DYNC1H1: variants seen among roughly 807,000 people sequenced by gnomAD.
DYNC1H1 encodes the protein cytoplasmic dynein 1 heavy chain 1.
A neutral mutation model predicts 527.1 loss-of-function variants in DYNC1H1; 51 were observed. The observed-to-expected ratio is 0.10, with a 90% CI of 0.08 to 0.12. The LOEUF (loss-of-function observed/expected upper bound fraction) is 0.12. DYNC1H1 is among the 10% of genes least tolerant of loss of function. DYNC1H1 has a pLI of 1.00. For missense variants in DYNC1H1, 2,771 were observed against 5,971.8 expected (o/e 0.46, Z 17.66); for synonymous variants, 2,189 against 2,278.8 (o/e 0.96, Z 1.12).
intron 23 of DYNC1H1, among the ~76,000 whole-genome samples, chr14:102,003,212 A>G (rs976017597): frequency 2.0e-5 from 3 of 150,184 alleles, no homozygotes; most frequent in Non-Finnish European, 3.0e-5. Context: ...ACTATCATCT[A>G]CCCTCCAAGG....
chr14:101,980,413 T>C lies in DYNC1H1; in HGVS notation c.824T>C (p.Ile275Thr). Reference sequence around the variant, plus strand: ...GCATCAGGAACTGCCTTACAGGAAATTAGTTTTTGGCTAAACTTGGAACGT... The same window carrying C: ...GCATCAGGAACTGCCTTACAGGAAACTAGTTTTTGGCTAAACTTGGAACGT... ...DPASGTALQE[I>T]SFWLNLERAL... is the part of the protein sequence containing the mutation. Residue 275 changes from isoleucine to threonine, a missense_variant, in exon 5 of 78, where the codon ATT (isoleucine) becomes ACT (threonine). By Grantham distance (89) the Ile-to-Thr change is moderately conservative. This residue lies in a region of DYNC1H1 where 146 missense variants were observed against 288.1 expected (regional missense o/e 0.51). Coordinates refer to ENST00000360184, the MANE Select transcript of DYNC1H1 (RefSeq NM_001376.5). 1 of 1,614,254 alleles carries C rather than the reference T, an allele frequency of 6.2e-7. No homozygotes were observed. The highest frequency in any genetic ancestry group is 1.1e-5 in the South Asian group (1 of 91,084).
Position 102,036,756 on chromosome 14 carries a change from G to C in DYNC1H1, c.10908+114G>C. The C allele has an allele frequency of 6.0e-6, 8 of 1,341,672 alleles. No individual in the cohort carries two copies. Among genetic ancestry groups the C allele is most frequent in the Non-Finnish European group, 8.5e-6 (8 of 938,512 alleles). 83.1% of individuals were successfully genotyped at this position (1,341,672 alleles called of 1,614,324 possible). A position where few individuals can be genotyped will look rare whatever the true frequency, so the allele number is the denominator to read the frequency against. ...CTTCATTTTGTATCAGAAGGATAAAGCTTTGCGGTGGTTCTGTAATAGATA... is the reference window on the plus strand; with the variant it reads ...CTTCATTTTGTATCAGAAGGATAAACCTTTGCGGTGGTTCTGTAATAGATA... On this transcript the variant is annotated intron_variant, in intron 57 of 77. Transcript: ENST00000360184. The surrounding 1 kb of genome is among the most constrained non-coding windows in gnomAD (Gnocchi z 5.6).
At chr14:101,971,381 G>C (rs185217559) in intron 1 of DYNC1H1, among the ~76,000 whole-genome samples, 1 of 151,616 alleles carries the variant, frequency 6.6e-6, no homozygotes, top group Non-Finnish European at 1.5e-5. Flanking sequence ...GTCGAGGGTG[G>C]TATAGTTTTT....
Position 101,982,911 on chromosome 14 carries a change from C to G in DYNC1H1, c.962-108C>G, listed in dbSNP as rs1046745839. ...TTTCAAATATGAATAGTTTTTGTCT[C>G]GCTAGATATTTTGCAACATCAAAAT... On this transcript the variant is annotated intron_variant, in intron 5 of 77. Coordinates refer to ENST00000360184, the MANE Select transcript of DYNC1H1 (RefSeq NM_001376.5). 58 of 1,311,092 alleles carry G rather than the reference C, an allele frequency of 4.4e-5. No homozygotes were observed. The Middle Eastern group carries it at 6.1e-4, about 14-fold the overall frequency. The allele number at this position is 1,311,092 out of a possible 1,614,324, so 81.2% of individuals were successfully genotyped here.
intron 2 of DYNC1H1, among the ~76,000 whole-genome samples, chr14:101,977,380 G>T (rs569544665): frequency 1.3e-5 from 2 of 152,272 alleles, no homozygotes; most frequent in African/African-American, 4.8e-5. Context: ...GATATCAGTT[G>T]TTAATGTTTG....
rs1190609 is a variant in DYNC1H1 at position 102,051,632 on chromosome 14, A to G, written c.*1069A>G. The G allele has an allele frequency of 0.37, 56,139 of 152,148 alleles. 13,874 individuals are homozygous for G. The highest frequency in any genetic ancestry group is 0.71 in the African/African-American group (29,599 of 41,492). 9.4% of individuals were successfully genotyped at this position (152,148 alleles called of 1,614,324 possible). On this transcript the variant is annotated 3_prime_UTR_variant, in exon 78 of 78. Coordinates refer to ENST00000360184, the MANE Select transcript of DYNC1H1 (RefSeq NM_001376.5). ...CTGACTGTTTGCATCTCACGTTCACATTGCTAGAGGTGATGGGTGTGCTAC... is the reference window on the plus strand; with the variant it reads ...CTGACTGTTTGCATCTCACGTTCACGTTGCTAGAGGTGATGGGTGTGCTAC...
At chr14:101,993,026 C>T (rs963306576) in intron 11 of DYNC1H1, among the ~76,000 whole-genome samples, 4 of 151,850 alleles carry the variant, frequency 2.6e-5, no homozygotes, top group African/African-American at 9.7e-5. Context: ...TTTCTCCCTA[C>T]TCCAGGCTTG....
chr14:102,031,681 G>A (rs1013566085), intron 51 of DYNC1H1, among the ~76,000 whole-genome samples: 3 of 151,980 alleles, frequency 2.0e-5, no homozygotes, highest in African/African-American at 4.8e-5. Flanking sequence ...TTGGCCAGGC[G>A]CAGTGGCTCA....
chr14:102,030,018 A>G, intron 50 of DYNC1H1, 80 bp downstream of exon 50: 1 of 1,610,962 alleles, frequency 6.2e-7, no homozygotes, highest in Non-Finnish European at 8.5e-7. Context: ...GTAGTTCCAA[A>G]TGGGTCTTAG....
chr14:102,044,423 C>T lies in DYNC1H1; in HGVS notation c.12834C>T (p.Phe4278=), dbSNP rs201126154. 36 of 1,614,032 alleles carry T rather than the reference C, an allele frequency of 2.2e-5. 1 individual carries two copies. The Admixed American group carries it at 2.8e-4, about 13-fold the overall frequency. ...AGCGCCTGTTCACAACCAGGAGTTT[C>T]GACAGTGAGTTTAAGCTGGCATGCA... The part of the protein sequence containing the change: ...FLERLFTTRS[F]DSEFKLACKV... The change falls in exon 71 of 78, where the codon TTC becomes TTT. Residue 4278 remains phenylalanine, a synonymous_variant. Transcript: ENST00000360184. This position sits in a 1 kb window ranked among gnomAD's most constrained non-coding sequence, Gnocchi z 7.1.
chr14:102,017,237 C>G lies in DYNC1H1; in HGVS notation c.7998C>G (p.Ile2666Met), dbSNP rs1470317795. 7 of 1,614,226 alleles carry G rather than the reference C, an allele frequency of 4.3e-6. No individual in the cohort carries two copies. The highest frequency in any genetic ancestry group is 5.1e-6 in the Non-Finnish European group (6 of 1,180,050). Residue 2666 changes from isoleucine to methionine, a missense_variant, in exon 39 of 78, where the codon ATC becomes ATG. Ile to Met is a conservative substitution (Grantham distance 10). Around this residue, in one of 32 missense-constraint regions of DYNC1H1, gnomAD observed 163 missense variants for 346.9 expected, o/e 0.47. Transcript: ENST00000360184. This position sits in a 1 kb window ranked among gnomAD's most constrained non-coding sequence, Gnocchi z 4.6. ...GGCTGGTGTTGTTCTGTGATGAAAT[C>G]AACTTGCCAGATATGGATAAATATG... The part of the protein sequence containing the change: ...GKWLVLFCDE[I>M]NLPDMDKYGT...
At chr14:102,048,413 A>C (rs939200131) in intron 73 of DYNC1H1, 103 bp from the exon 74 acceptor site, 1 of 1,488,458 alleles carries the variant, frequency 6.7e-7, no homozygotes, top group Middle Eastern at 2.0e-4. Context: ...GACAGTTCGG[A>C]AGCTCTGGGG....
At chr14:101,998,677 G>A (rs977107053) in intron 16 of DYNC1H1, among the ~76,000 whole-genome samples, 1 of 151,978 alleles carries the variant, frequency 6.6e-6, no homozygotes, top group African/African-American at 2.4e-5. Flanking sequence ...GTGCTGCTGG[G>A]CCCCTGCAGG....
At position 101,979,819 on chromosome 14, in the gene DYNC1H1, C is replaced by G; in HGVS notation, c.619C>G (p.Leu207Val). Reference sequence around the variant, plus strand: ...AAATATTGAAATTCCGGAGATCAGCCTGCCGATTCATCCAATGATCACAAA... The same window carrying G: ...AAATATTGAAATTCCGGAGATCAGCGTGCCGATTCATCCAATGATCACAAA... ...QQNIEIPEIS[L>V]PIHPMITNVA... The change falls in exon 4 of 78, where the codon CTG (leucine) becomes GTG (valine). Residue 207 changes from leucine to valine, a missense_variant. Coordinates refer to ENST00000360184, the MANE Select transcript of DYNC1H1 (RefSeq NM_001376.5). This position sits in a 1 kb window ranked among gnomAD's most constrained non-coding sequence, Gnocchi z 4.6. 1 of 1,614,186 alleles carries G rather than the reference C, an allele frequency of 6.2e-7. No individual in the cohort carries two copies. The highest frequency in any genetic ancestry group is 8.5e-7 in the Non-Finnish European group (1 of 1,180,044).
intron 2 of DYNC1H1, among the ~76,000 whole-genome samples, chr14:101,977,445 A>T (rs906862516): frequency 6.6e-6 from 1 of 152,224 alleles, no homozygotes; most frequent in Non-Finnish European, 1.5e-5. Flanking sequence ...GTTATAGACA[A>T]TATGCTCCTT....
intron 9 of DYNC1H1, among the ~76,000 whole-genome samples, chr14:101,988,036 C>T (rs570128175): frequency 3.3e-5 from 5 of 152,222 alleles, no homozygotes; most frequent in South Asian, 2.1e-4. Context: ...CAACATCGCA[C>T]CACTGCACTC....
chr14:102,050,002 C>T lies in DYNC1H1; in HGVS notation c.13685-69C>T, dbSNP rs1040023772. 1.4e-5 allele frequency: 23 copies of T among 1,613,914 alleles called. No homozygotes were observed. In the African/African-American group the frequency reaches 1.5e-4, roughly 10 times the overall value. On this transcript the variant is annotated intron_variant, in intron 76 of 77. Coordinates refer to ENST00000360184, the MANE Select transcript of DYNC1H1 (RefSeq NM_001376.5). The stretch of plus-strand genomic sequence containing the variant: ...CTGGCAGTTGGGTGGAGCCTCTGGG[C>T]GCCCTGTGACTGGGGTTTGTGTAGC...
intron 55 of DYNC1H1, 44 bp from the exon 56 acceptor site, chr14:102,034,281 C>G: frequency 6.2e-7 from 1 of 1,614,212 alleles, no homozygotes; most frequent in Admixed American, 1.7e-5. Flanking sequence ...ACAGTCCCAT[C>G]TGTGGCTGTG....
chr14:101,983,532 C>T lies in DYNC1H1; in HGVS notation c.1384C>T (p.Arg462Cys). 1.9e-6 allele frequency: 3 copies of T among 1,614,132 alleles called. No individual in the cohort carries two copies. Among genetic ancestry groups the T allele is most frequent in the Non-Finnish European group, 2.5e-6 (3 of 1,180,034 alleles). Residue 462 changes from arginine (R) to cysteine (C), a missense_variant, in exon 7 of 78, where the codon CGC becomes TGC. Physicochemically the swap from Arg to Cys is radical, Grantham distance 180. Transcript: ENST00000360184. This position sits in a 1 kb window ranked among gnomAD's most constrained non-coding sequence, Gnocchi z 5.3. ...INPAHRKLQA[R>C]LDQMRKFRRQ... ...CCCTGCCCACAGGAAGCTGCAGGCC[C>T]GCCTTGACCAGATGAGAAAATTTAG...
Sources: allele counts gnomAD v4.1 joint callset (sites outside exome capture counted in the v4.1 genomes callset), GRCh38; gene constraint gnomAD v4.1.1; regional missense constraint gnomAD v4.1.1; non-coding constraint Gnocchi (gnomAD v3.1); transcripts MANE v1.5; gene names NCBI Gene and HGNC (gene_info 2026-07-23, HGNC 2026-07-21).